The following ACADL variants were observed in gnomAD, a reference collection of about 807,000 sequenced individuals.
ACADL encodes acyl-CoA dehydrogenase long chain.
ACADL carries 60 observed loss-of-function variants against 56.9 expected under a neutral mutation model. The observed-to-expected ratio is 1.05, with a 90% confidence interval of 0.86 to 1.31. The LOEUF (loss-of-function observed/expected upper bound fraction) is 1.31, where lower values mean the gene tolerates loss of function less well. Ranked by LOEUF, ACADL falls within the 50% of genes most tolerant of loss-of-function variation. ACADL has a pLI of 0.00. For synonymous variants in ACADL, 158 were observed against 179.7 expected (o/e 0.88, Z 0.97); for missense variants, 484 against 525.5 (o/e 0.92, Z 0.77).
At chr2:210,195,954 A>G (rs1688704206) in intron 8 of ACADL, among the ~76,000 whole-genome samples, 1 of 152,084 alleles carries the variant, frequency 6.6e-6, no homozygotes, top group Non-Finnish European at 1.5e-5. Flanking sequence ...ATCCCTTCAC[A>G]TTATCCCTTC....
intron 8 of ACADL, among the ~76,000 whole-genome samples, chr2:210,201,416 T>C (rs1276917890): frequency 3.3e-5 from 5 of 152,296 alleles, no homozygotes; most frequent in Middle Eastern, 6.8e-3. Context: ...TTTATAAATA[T>C]TTACAAACGT....
intron 5 of ACADL, among the ~76,000 whole-genome samples, chr2:210,209,327 G>C (rs1688942498): frequency 6.6e-6 from 1 of 152,112 alleles, no homozygotes; most frequent in African/African-American, 2.4e-5. Context: ...GTATATACCA[G>C]ATACCATTTC....
intron 8 of ACADL, among the ~76,000 whole-genome samples, chr2:210,202,093 A>G (rs1575674256): frequency 6.6e-6 from 1 of 151,652 alleles, no homozygotes; most frequent in South Asian, 2.1e-4. Context: ...TTATTTATTT[A>G]TTTGTTTATT....
intron 8 of ACADL, among the ~76,000 whole-genome samples, chr2:210,198,586 G>T (rs1418526417): frequency 6.6e-6 from 1 of 152,034 alleles, no homozygotes; most frequent in Non-Finnish European, 1.5e-5. Flanking sequence ...AAGAAAAAAG[G>T]CCCATCTGCT....
rs149152943 is a variant in ACADL at position 210,207,181 on chromosome 2, C to T, written c.604-1385G>A. ...CTCATCATTTCTTAAGTTCCTACAACTGATCTCTCTACAGCTGTATCATTC... is the reference window on the plus strand; with the variant it reads ...CTCATCATTTCTTAAGTTCCTACAATTGATCTCTCTACAGCTGTATCATTC... On this transcript the variant is annotated intron_variant, in intron 5 of 10. Coordinates refer to ENST00000233710, the MANE Select transcript of ACADL (RefSeq NM_001608.4). 5.1e-4 allele frequency among the ~76,000 whole-genome samples: 77 copies of T among 152,256 alleles called. 1 individual carries two copies. In the East Asian group the frequency reaches 0.011, roughly 22 times the overall value.
Position 210,188,623 on chromosome 2 carries a change from G to A in ACADL, c.*338C>T, listed in dbSNP as rs1688583339. The A allele has an allele frequency of 3.0e-5, 7 of 235,834 alleles. No individual in the cohort carries two copies. The highest frequency in any genetic ancestry group is 2.2e-4 in the South Asian group (4 of 17,874). 14.6% of individuals were successfully genotyped at this position (235,834 alleles called of 1,614,324 possible). A position where few individuals can be genotyped will look rare whatever the true frequency, so the allele number is the denominator to read the frequency against. ...CTTATTAATGTTTTTATACTATAGC[G>A]ACATAAAATTATTTCTGCCTTGGTT... On this transcript the variant is annotated 3_prime_UTR_variant, in exon 11 of 11. Transcript: ENST00000233710.
At chr2:210,222,210 A>C (rs1159688053) in intron 1 of ACADL, among the ~76,000 whole-genome samples, 1 of 152,220 alleles carries the variant, frequency 6.6e-6, no homozygotes, top group East Asian at 1.9e-4. Flanking sequence ...TTAAGCTTAC[A>C]TTCTAACAAA....
At chr2:210,193,415 GACTA>G (rs1688666537) in intron 9 of ACADL, among the ~76,000 whole-genome samples, 1 of 152,044 alleles carries the variant, frequency 6.6e-6, no homozygotes. Flanking sequence ...TAAGAGGGCA[GACTA>G]ACAAAGTATA....
intron 4 of ACADL, among the ~76,000 whole-genome samples, chr2:210,210,818 C>T (rs565431573): frequency 4.6e-5 from 7 of 152,174 alleles, no homozygotes; most frequent in East Asian, 1.9e-4. Flanking sequence ...TGGTGGCACA[C>T]GCCTGTGGTC....
At chr2:210,190,453 G>A (rs1248620752) in intron 10 of ACADL, among the ~76,000 whole-genome samples, 1 of 152,128 alleles carries the variant, frequency 6.6e-6, no homozygotes, top group African/African-American at 2.4e-5. Context: ...TTCCAATGGA[G>A]TAAAGCAGAG....
At chr2:210,198,137 C>T (rs1195143985) in intron 8 of ACADL, among the ~76,000 whole-genome samples, 1 of 152,104 alleles carries the variant, frequency 6.6e-6, no homozygotes, top group East Asian at 1.9e-4. Context: ...ATAAATAATA[C>T]TGCAGCTAGC....
chr2:210,216,298 G>A, intron 4 of ACADL, 49 bp downstream of exon 4: 1 of 1,601,356 alleles, frequency 6.2e-7, no homozygotes, highest in Non-Finnish European at 8.5e-7. Context: ...CTAAGAAAAT[G>A]TTAAGGCACT....
chr2:210,220,840 A>G, intron 1 of ACADL, 38 bp from the exon 2 acceptor site: 4 of 1,487,052 alleles, frequency 2.7e-6, no homozygotes, highest in Non-Finnish European at 3.7e-6. Flanking sequence ...AAGTAAGTGA[A>G]TTGTTACTCT....
In ACADL at chr2:210,205,769, C is replaced by G. The variant is rs757909189; in HGVS notation, c.631G>C (p.Asp211His). Residue 211 changes from aspartate to histidine, a missense_variant, in exon 6 of 11, where the codon GAT (aspartate) becomes CAT (histidine). Coordinates refer to ENST00000233710, the MANE Select transcript of ACADL (RefSeq NM_001608.4). ...GTGACCGCAACTACAATCACAACAT[C>G]ACTTAATGACCCATTACTGATGAAC... is the stretch of plus-strand genomic sequence containing the variant. ...KVFISNGSLS[D>H]VVIVVAVTNH... 2.9e-5 allele frequency: 47 copies of G among 1,613,890 alleles called. No homozygotes were observed. The highest frequency in any genetic ancestry group is 3.7e-5 in the Non-Finnish European group (44 of 1,179,958).
At chr2:210,209,341 T>C (rs563651186) in intron 5 of ACADL, among the ~76,000 whole-genome samples, 2 of 152,280 alleles carry the variant, frequency 1.3e-5, no homozygotes, top group South Asian at 4.1e-4. Flanking sequence ...CCATTTCAGG[T>C]GGGCAATATC....
intron 9 of ACADL, 133 bp from the exon 10 acceptor site, chr2:210,193,023 A>G (rs1356445871): frequency 1.5e-6 from 1 of 658,690 alleles, no homozygotes; most frequent in African/African-American, 1.8e-5. Flanking sequence ...ACGGCATATT[A>G]GCTAAGCAAA....
chr2:210,209,162 C>T (rs1183709863), intron 5 of ACADL, among the ~76,000 whole-genome samples: 2 of 152,152 alleles, frequency 1.3e-5, no homozygotes, highest in Non-Finnish European at 2.9e-5. Context: ...ACCAGTGATT[C>T]AATTTTGTAA....
intron 1 of ACADL, among the ~76,000 whole-genome samples, chr2:210,221,013 TC>T (rs377566893): frequency 1.2e-3 from 179 of 152,270 alleles, no homozygotes; most frequent in African/African-American, 3.9e-3. Context: ...AAGTACCTTA[TC>T]ATTATTCAAC....
intron 10 of ACADL, among the ~76,000 whole-genome samples, chr2:210,191,739 A>G (rs144807326): frequency 2.0e-5 from 3 of 152,298 alleles, no homozygotes; most frequent in East Asian, 3.9e-4. Flanking sequence ...TTAGAAGCCT[A>G]TAGCATTCTT....
Sources: gnomAD v4.1 joint callset for allele counts (sites outside exome capture counted in the v4.1 genomes callset) on GRCh38, gnomAD v4.1.1 for gene constraint, MANE v1.5 for transcripts, NCBI Gene and HGNC (gene_info 2026-07-23, HGNC 2026-07-21) for gene names.